Variants in SNX6 observed in about 807,000 individuals in gnomAD.
The protein encoded by SNX6 is sorting nexin-6.
SNX6 carries 34 observed loss-of-function variants against 63.0 expected under a neutral mutation model. That is an observed-to-expected ratio of 0.54 (90% CI 0.41 to 0.72). The LOEUF is 0.72. Ranked by LOEUF, SNX6 falls within the 30% of genes least tolerant of loss-of-function variation. SNX6 has a pLI of 0.00. For missense variants in SNX6, 398 were observed against 471.4 expected, an observed-to-expected ratio of 0.84 and a Z score of 1.44; for synonymous variants, 170 against 164.2, an observed-to-expected ratio of 1.04 and a Z score of -0.27.
At chr14:34,586,776 G>A (rs190701876) in intron 8 of SNX6, among the ~76,000 whole-genome samples, 12 of 150,968 alleles carry the variant, frequency 7.9e-5, no homozygotes, top group South Asian at 4.2e-4. Context: ...TTGGGAGGCC[G>A]TGGCAGGTGG....
chr14:34,568,048 C>T (rs199807355), intron 11 of SNX6, 35 bp from the exon 12 acceptor site: 554 of 1,580,664 alleles, frequency 3.5e-4, no homozygotes, highest in Non-Finnish European at 4.5e-4. Flanking sequence ...AGTATATATA[C>T]TGCATGTTTC....
intron 9 of SNX6, among the ~76,000 whole-genome samples, chr14:34,584,720 A>C (rs1291230549): frequency 6.6e-6 from 1 of 152,074 alleles, no homozygotes; most frequent in African/African-American, 2.4e-5. Context: ...GCCCATTTTC[A>C]TAAATAAAAC....
intron 2 of SNX6, among the ~76,000 whole-genome samples, chr14:34,610,217 G>C (rs1239372794): frequency 2.0e-5 from 3 of 151,058 alleles, no homozygotes; most frequent in Non-Finnish European, 4.4e-5. Flanking sequence ...AAAATAGCCA[G>C]ATATGGTGGT....
chr14:34,610,935 T>C (rs1862432450), intron 2 of SNX6, among the ~76,000 whole-genome samples: 1 of 152,182 alleles, frequency 6.6e-6, no homozygotes, highest in African/African-American at 2.4e-5. Flanking sequence ...AAATGCTGAA[T>C]GCAAATACAA....
chr14:34,594,290 T>C (rs1882514218), intron 7 of SNX6, among the ~76,000 whole-genome samples: 1 of 149,902 alleles, frequency 6.7e-6, no homozygotes, highest in Non-Finnish European at 1.5e-5. Context: ...AACAATGTGA[T>C]TAACCACTGT....
At chr14:34,567,579 T>C in intron 13 of SNX6, 107 bp downstream of exon 13, 1 of 815,272 alleles carries the variant, frequency 1.2e-6, no homozygotes, top group Non-Finnish European at 2.0e-6. Flanking sequence ...GGAATAGTTG[T>C]CACAGTATCC....
chr14:34,572,543 T>C (rs1384910025), intron 11 of SNX6, among the ~76,000 whole-genome samples: 1 of 152,228 alleles, frequency 6.6e-6, no homozygotes, highest in African/African-American at 2.4e-5. Context: ...GGGTTATAGA[T>C]AATTTAATAA....
chr14:34,629,845 G>C, intron 2 of SNX6, 62 bp downstream of exon 2: 2 of 1,546,704 alleles, frequency 1.3e-6, no homozygotes. Context: ...TACCACACCC[G>C]GGGACCCAGG....
chr14:34,574,303 T>A (rs1204416464), intron 11 of SNX6, among the ~76,000 whole-genome samples: 2 of 145,284 alleles, frequency 1.4e-5, no homozygotes, highest in African/African-American at 5.2e-5. Context: ...GCCACTGCAC[T>A]CCAGCTTGGG....
intron 11 of SNX6, among the ~76,000 whole-genome samples, chr14:34,571,235 C>T (rs898191727): frequency 6.6e-6 from 1 of 151,144 alleles, no homozygotes; most frequent in Non-Finnish European, 1.5e-5. Flanking sequence ...AGATCAAGAC[C>T]ATCCTGGCTA....
chr14:34,606,453 C>CTTT (rs56390466), intron 4 of SNX6, among the ~76,000 whole-genome samples: 5 of 141,602 alleles, frequency 3.5e-5, no homozygotes, highest in South Asian at 2.2e-4. Context: ...TCCAACTCTT[C>CTTT]TTTTTTTTTT....
chr14:34,610,477 T>G (rs188874228), intron 2 of SNX6, among the ~76,000 whole-genome samples: 72 of 151,196 alleles, frequency 4.8e-4, no homozygotes, highest in East Asian at 1.8e-3. Flanking sequence ...AGCACAATAA[T>G]AAGAAGACTA....
chr14:34,574,925 CTT>C (rs970224626), intron 11 of SNX6, among the ~76,000 whole-genome samples: 1 of 151,900 alleles, frequency 6.6e-6, no homozygotes, highest in African/African-American at 2.4e-5. Flanking sequence ...GAGTTTCACT[CTT>C]GTTGCCCAGG....
At chr14:34,595,507 T>C (rs1882563448) in intron 7 of SNX6, among the ~76,000 whole-genome samples, 2 of 152,194 alleles carry the variant, frequency 1.3e-5, no homozygotes, top group African/African-American at 4.8e-5. Context: ...CAAGAAAATG[T>C]GGGCTACCAA....
chr14:34,621,210 G>A (rs960040602), intron 2 of SNX6, among the ~76,000 whole-genome samples: 4 of 152,018 alleles, frequency 2.6e-5, no homozygotes, highest in Non-Finnish European at 4.4e-5. Flanking sequence ...GCCTCTCAGA[G>A]TGCTAGGATT....
intron 6 of SNX6, among the ~76,000 whole-genome samples, chr14:34,598,883 A>G (rs1325844227): frequency 1.3e-5 from 2 of 152,200 alleles, no homozygotes; most frequent in Non-Finnish European, 2.9e-5. Context: ...CAATACAGCA[A>G]GACTCTGTCT....
In SNX6 at chr14:34,629,893, A is replaced by G. The variant is rs11847568; in HGVS notation, c.54+14T>C. ...GGTCCAGGGTCCCGCGAGCGAAAGG[A>G]AGGCAGAACTTACTCCGCGGTCCTC... On this transcript the variant is annotated intron_variant, in intron 2 of 13. Coordinates refer to ENST00000362031, the MANE Select transcript of SNX6 (RefSeq NM_152233.4). The G allele has an allele frequency of 0.65, 1,014,317 of 1,554,770 alleles. 333,244 individuals are homozygous for G. Among genetic ancestry groups the G allele is most frequent in the African/African-American group, 0.82 (60,408 of 73,290 alleles).
intron 13 of SNX6, among the ~76,000 whole-genome samples, chr14:34,564,632 C>G (rs1020125554): frequency 6.6e-6 from 1 of 151,718 alleles, no homozygotes; most frequent in East Asian, 1.9e-4. Flanking sequence ...GTTTGAGACC[C>G]GCCTGGCCAA....
intron 11 of SNX6, among the ~76,000 whole-genome samples, chr14:34,570,498 G>A (rs1594694273): frequency 7.0e-6 from 1 of 143,408 alleles, no homozygotes; most frequent in East Asian, 2.1e-4. Context: ...CTCGGCTCAG[G>A]GCAACCTCTG....
Sources: allele counts gnomAD v4.1 joint callset (sites outside exome capture counted in the v4.1 genomes callset), GRCh38; gene constraint gnomAD v4.1.1; transcripts MANE v1.5; gene names NCBI Gene and HGNC (gene_info 2026-07-23, HGNC 2026-07-21).